CEP72: variants seen among roughly 807,000 people sequenced by gnomAD.
CEP72 encodes centrosomal protein 72, also known as centrosomal protein of 72 kDa.
CEP72 carries 78 observed loss-of-function variants against 65.7 expected under a neutral mutation model. The observed-to-expected ratio is 1.19, with a 90% CI of 0.99 to 1.43. The LOEUF is 1.43. Ranked by LOEUF, CEP72 falls within the 40% of genes most tolerant of loss-of-function variation. The pLI is 0.00. For missense variants in CEP72, 914 were observed against 832.9 expected (o/e 1.10, Z -1.20); for synonymous variants, 358 against 351.7 (o/e 1.02, Z -0.20).
Position 636,950 on chromosome 5 carries a change from A to G in CEP72, c.905-567A>G, listed in dbSNP as rs548463871. ...CAGCCGCTGCAGGATGTGATGGGTC[A>G]TCTTGAGTTGAGCAGGCTGTGGTGG... On this transcript the variant is annotated intron_variant, in intron 6 of 11. Transcript: ENST00000264935. Among the ~76,000 whole-genome samples the G allele has an allele frequency of 9.1e-4, 138 of 152,246 alleles. 1 individual carries two copies. The highest frequency in any genetic ancestry group is 2.8e-3 in the African/African-American group (116 of 41,552).
At chr5:633,481 C>T (rs1298932933) in intron 4 of CEP72, among the ~76,000 whole-genome samples, 8 of 151,112 alleles carry the variant, frequency 5.3e-5, no homozygotes, top group Admixed American at 5.3e-4. Flanking sequence ...TTGGCCCAGT[C>T]CTGGTGGGGT....
At chr5:647,732 A>G in intron 10 of CEP72, 73 bp from the exon 11 acceptor site, 6 of 968,744 alleles carry the variant, frequency 6.2e-6, no homozygotes, top group Admixed American at 2.2e-5. Context: ...TAAATGTAGA[A>G]TTGTTTTCAT....
chr5:639,413 G>T (rs896874914), intron 8 of CEP72, among the ~76,000 whole-genome samples, 189 bp downstream of exon 8: 1 of 152,202 alleles, frequency 6.6e-6, no homozygotes, highest in African/African-American at 2.4e-5. Flanking sequence ...CAGGGCTCTC[G>T]GGAGACACCA....
downstream of CEP72, among the ~76,000 whole-genome samples, chr5:670,991 G>A (rs1032469118): frequency 2.4e-4 from 37 of 152,194 alleles, no homozygotes; most frequent in Admixed American, 1.8e-3. Context: ...ACTGGGCCAC[G>A]GCAGCTCAGG....
chr5:612,385 G>C lies in CEP72; in HGVS notation c.24G>C (p.Leu8=). The change falls in exon 1 of 12, where the codon CTG becomes CTC. Residue 8 remains leucine (L), a synonymous_variant. Transcript: ENST00000264935. ...ACATGGCGCGGGCTGGCCCTCGGCT[G>C]GTGCTGAGCGAGGAGGCGGTTCGGG... MARAGPR[L]VLSEEAVRAK... 6.7e-7 allele frequency: 1 copy of C among 1,491,384 alleles called. No homozygotes were observed. The highest frequency in any genetic ancestry group is 8.9e-7 in the Non-Finnish European group (1 of 1,125,606). 92.4% of individuals were successfully genotyped at this position (1,491,384 alleles called of 1,614,324 possible).
At chr5:635,773 T>C (rs1194817479) in intron 6 of CEP72, among the ~76,000 whole-genome samples, 189 bp downstream of exon 6, 1 of 149,084 alleles carries the variant, frequency 6.7e-6, no homozygotes, top group South Asian at 2.1e-4. Flanking sequence ...AGAAGCAAGC[T>C]CAAGACAGAG....
At chr5:654,320 G>A (rs905549504), downstream of CEP72, among the ~76,000 whole-genome samples, 8 of 147,830 alleles carry the variant, frequency 5.4e-5, no homozygotes, top group South Asian at 2.2e-4. Flanking sequence ...CTGTGTGTAC[G>A]CTTGTGTGTG....
At chr5:637,867 T>TGTGG in intron 7 of CEP72, 49 bp downstream of exon 7, 2 of 1,452,238 alleles carry the variant, frequency 1.4e-6, no homozygotes, top group Non-Finnish European at 1.8e-6. Context: ...GCCTCCCTAA[T>TGTGG]GTGGGGCTGT....
At chr5:666,194 G>A in intron 4 of CEP72, 1 of 1,551,968 alleles carries the variant, frequency 6.4e-7, no homozygotes, top group Non-Finnish European at 8.7e-7. Flanking sequence ...GCGTGGGTCT[G>A]AGCAGAGCTG....
intron 8 of CEP72, 142 bp from the exon 9 acceptor site, chr5:640,266 G>A (rs1737918759): frequency 8.0e-6 from 9 of 1,119,180 alleles, no homozygotes; most frequent in Non-Finnish European, 1.1e-5. Flanking sequence ...TGGTTTTGTG[G>A]CGCCAACACC....
At chr5:643,107 T>A in intron 9 of CEP72, 2 of 979,210 alleles carry the variant, frequency 2.0e-6, no homozygotes, top group Non-Finnish European at 2.4e-6. Flanking sequence ...CCAGCTATTT[T>A]GGGAGGTAGA....
intron 1 of CEP72, 72 bp from the exon 2 acceptor site, chr5:618,918 C>T: frequency 7.9e-7 from 1 of 1,265,590 alleles, no homozygotes; most frequent in Non-Finnish European, 1.1e-6. Flanking sequence ...ATATCCAACA[C>T]CAAGAACTTG....
chr5:666,122 C>T, intron 4 of CEP72: 4 of 1,432,546 alleles, frequency 2.8e-6, no homozygotes, highest in South Asian at 1.3e-5. Context: ...CAAGACTTCC[C>T]TCTACAGGGG....
chr5:669,960 ATCC>A (rs1740149372), downstream of CEP72, among the ~76,000 whole-genome samples: 1 of 147,758 alleles, frequency 6.8e-6, no homozygotes, highest in East Asian at 2.0e-4. Context: ...GGAGCTCGGC[ATCC>A]TCATTGCCCA....
downstream of CEP72, among the ~76,000 whole-genome samples, chr5:659,210 G>A (rs190008068): frequency 5.5e-3 from 843 of 152,372 alleles, 10 homozygotes; most frequent in Middle Eastern, 0.034. Context: ...AGCGCGAGGC[G>A]CGCGTCCCTC....
intron 4 of CEP72, among the ~76,000 whole-genome samples, chr5:629,192 G>C (rs567335743): frequency 1.3e-5 from 2 of 152,354 alleles, no homozygotes; most frequent in Non-Finnish European, 2.9e-5. Flanking sequence ...TCTGTATAGA[G>C]GGTCACCATG....
At chr5:642,571 CA>C (rs1394647730) in intron 9 of CEP72, 2 of 985,386 alleles carry the variant, frequency 2.0e-6, no homozygotes, top group Non-Finnish European at 2.4e-6. Context: ...CCAGTGCTGC[CA>C]GGGGTGAGAG....
intron 9 of CEP72, chr5:643,337 C>T (rs752160097): frequency 1.0e-6 from 1 of 985,358 alleles, no homozygotes; most frequent in Non-Finnish European, 1.2e-6. Context: ...GCGCGGAGGG[C>T]AGGTCATGCT....
Position 640,568 on chromosome 5 carries a change from G to C in CEP72, c.1503G>C (p.Glu501Asp), listed in dbSNP as rs758700072. ...AGCAGCACGCCCGGGAGATGAGCGA[G>C]GTGACGGCGGAGCTGCACCACACAC... ...QQQQHAREMS[E>D]VTAELHHTHK... The change falls in exon 9 of 12, where the codon GAG becomes GAC. Residue 501 changes from glutamate (E) to aspartate (D), a missense_variant. Glu to Asp is a conservative substitution (Grantham distance 45). Coordinates refer to ENST00000264935, the MANE Select transcript of CEP72 (RefSeq NM_018140.4). The C allele has an allele frequency of 1.2e-6, 2 of 1,613,768 alleles. No homozygotes were observed. Among genetic ancestry groups the C allele is most frequent in the South Asian group, 2.2e-5 (2 of 91,080 alleles).
Sources: allele counts gnomAD v4.1 joint callset (sites outside exome capture counted in the v4.1 genomes callset), GRCh38; gene constraint gnomAD v4.1.1; transcripts MANE v1.5; gene names NCBI Gene and HGNC (gene_info 2026-07-23, HGNC 2026-07-21).